Variants in ATRX observed in about 807,000 individuals in gnomAD.
ATRX encodes the protein ATRX chromatin remodeler, also known as chromatin remodeler ATRX.
In ATRX, 12 loss-of-function variants were observed where a neutral mutation model predicts 172.6. That is an observed-to-expected ratio of 0.07 (90% CI 0.04 to 0.11). The LOEUF is 0.11. Ranked by LOEUF, ATRX falls within the 10% of genes least tolerant of loss-of-function variation. The pLI is 1.00. For synonymous variants in ATRX, 674 were observed against 594.7 expected, an observed-to-expected ratio of 1.13 and a Z score of -1.94; for missense variants, 1,368 against 1,767.4, an observed-to-expected ratio of 0.77 and a Z score of 4.05.
chrX:77,642,719 A>C (rs782665272), intron 15 of ATRX, among the ~76,000 whole-genome samples: 2 of 111,712 alleles, frequency 1.8e-5, no homozygotes, highest in African/African-American at 6.5e-5. Flanking sequence ...AGGAAGCTCC[A>C]AACTCCAGTT....
intron 1 of ATRX, among the ~76,000 whole-genome samples, chrX:77,732,144 G>C (rs782621438): frequency 1.8e-5 from 2 of 111,605 alleles, no homozygotes; most frequent in African/African-American, 6.5e-5. Context: ...GCACAGGCCT[G>C]CTCCTGCTGG....
chrX:77,666,861 A>G (rs1274249789), intron 10 of ATRX, among the ~76,000 whole-genome samples: 1 of 111,191 alleles, frequency 9.0e-6, no homozygotes, highest in Non-Finnish European at 1.9e-5. Context: ...TCTCAAAAGA[A>G]AAAAAAAATT....
At chrX:77,648,062 AGGG>A (rs2069004471) in intron 15 of ATRX, among the ~76,000 whole-genome samples, 1 of 111,885 alleles carries the variant, frequency 8.9e-6, no homozygotes, top group Non-Finnish European at 1.9e-5. Context: ...ATGTTGTTAA[AGGG>A]GGAATTAACC....
chrX:77,642,123 A>G (rs112364993), intron 15 of ATRX, among the ~76,000 whole-genome samples: 1,687 of 111,489 alleles, frequency 0.015, 26 homozygotes, highest in African/African-American at 0.052. Context: ...TGAGCCCAGG[A>G]GTTTGAGGTT....
chrX:77,570,117 T>C (rs1367374376), intron 28 of ATRX, among the ~76,000 whole-genome samples: 1 of 110,684 alleles, frequency 9.0e-6, no homozygotes, highest in Non-Finnish European at 1.9e-5. Context: ...AAAACAAGTA[T>C]AGCCAACTGA....
chrX:77,760,019 G>A (rs782153793), intron 1 of ATRX, among the ~76,000 whole-genome samples: 7 of 110,794 alleles, frequency 6.3e-5, no homozygotes, highest in Non-Finnish European at 1.1e-4. Flanking sequence ...AAAAAATTTT[G>A]GGTTTTGGAG....
Position 77,550,822 on chromosome X carries a change from G to C in ATRX, c.6699+6629C>G, listed in dbSNP as rs782564039. The stretch of plus-strand genomic sequence containing the variant: ...CACAAGCATTCCTATACACTAATAA[G>C]AGACAAACAGAGAGCCAAATCATGA... On this transcript the variant is annotated intron_variant, in intron 30 of 34. Transcript: ENST00000373344. Among the ~76,000 whole-genome samples, 9 of 111,262 alleles carry C rather than the reference G, an allele frequency of 8.1e-5. No individual in the cohort carries two copies. In the South Asian group the frequency reaches 2.7e-3, roughly 33 times the overall value.
chrX:77,785,580 C>T (rs2076708982), intron 1 of ATRX, among the ~76,000 whole-genome samples: 1 of 88,543 alleles, frequency 1.1e-5, no homozygotes, highest in African/African-American at 4.2e-5. Context: ...CCTCTTCTCA[C>T]CCTCCCCCCG....
At chrX:77,666,141 C>T (rs1270701080) in intron 10 of ATRX, among the ~76,000 whole-genome samples, 1 of 111,882 alleles carries the variant, frequency 8.9e-6, no homozygotes, top group Non-Finnish European at 1.9e-5. Flanking sequence ...GTGCTTTCTC[C>T]CTCAAACAGA....
chrX:77,523,882 G>A (rs1380700598), intron 30 of ATRX, among the ~76,000 whole-genome samples: 1 of 111,346 alleles, frequency 9.0e-6, no homozygotes, highest in African/African-American at 3.3e-5. Context: ...AACAGTTATA[G>A]GAGAGTTTAA....
chrX:77,760,650 A>G, intron 1 of ATRX, among the ~76,000 whole-genome samples: 1 of 111,664 alleles, frequency 9.0e-6, no homozygotes, highest in Non-Finnish European at 1.9e-5. Flanking sequence ...AAAAAATTCT[A>G]AATAAGGTTT....
At chrX:77,611,927 T>G (rs1296848326) in intron 22 of ATRX, among the ~76,000 whole-genome samples, 1 of 111,721 alleles carries the variant, frequency 9.0e-6, no homozygotes, top group Non-Finnish European at 1.9e-5. Flanking sequence ...AAATGAAACT[T>G]TAAAGTATTT....
chrX:77,636,868 A>G (rs1557108416), intron 15 of ATRX, among the ~76,000 whole-genome samples: 2 of 96,681 alleles, frequency 2.1e-5, no homozygotes, highest in Admixed American at 1.1e-4. Context: ...AGGAGGGAGG[A>G]GGAGGGAGGA....
intron 1 of ATRX, among the ~76,000 whole-genome samples, chrX:77,780,831 C>T (rs1557205203): frequency 1.8e-5 from 2 of 110,040 alleles, no homozygotes; most frequent in Non-Finnish European, 3.8e-5. Flanking sequence ...GTCCCAGCTA[C>T]ATGGGAGGCT....
chrX:77,781,102 T>C (rs2076552093), intron 1 of ATRX, among the ~76,000 whole-genome samples: 1 of 111,237 alleles, frequency 9.0e-6, no homozygotes, highest in South Asian at 3.8e-4. Context: ...CATTCCTCTA[T>C]ACAAGCAGTT....
At chrX:77,673,474 T>C (rs2070725087) in intron 10 of ATRX, among the ~76,000 whole-genome samples, 1 of 111,179 alleles carries the variant, frequency 9.0e-6, no homozygotes, top group Admixed American at 9.6e-5. Flanking sequence ...ATTAGTCTAC[T>C]TTTTTTTATA....
intron 29 of ATRX, among the ~76,000 whole-genome samples, chrX:77,558,412 T>C (rs997582698): frequency 7.2e-5 from 8 of 111,076 alleles, no homozygotes; most frequent in Admixed American, 2.9e-4. Flanking sequence ...CTGAGAGGGG[T>C]TGCATCTGCT....
intron 25 of ATRX, among the ~76,000 whole-genome samples, chrX:77,598,253 AGAG>A (rs1475085500): frequency 9.0e-6 from 1 of 110,632 alleles, no homozygotes; most frequent in East Asian, 2.8e-4. Context: ...ATGGATATAA[AGAG>A]GAGAGCGACA....
rs782297476 is a variant in ATRX, at chrX:77,589,820, T to C, written c.6217+14A>G. ...TATTTTTAAAATTACGACACAGAAATATTTGTAGCTCACCTTTATAAATAA... is the reference window on the plus strand; with the variant it reads ...TATTTTTAAAATTACGACACAGAAACATTTGTAGCTCACCTTTATAAATAA... On this transcript the variant is annotated intron_variant, in intron 27 of 34. Transcript: ENST00000373344. 2.6e-6 allele frequency: 3 copies of C among 1,145,251 alleles called. No homozygotes were observed. The highest frequency in any genetic ancestry group is 3.7e-5 in the South Asian group (2 of 54,788). The allele number at this position is 1,145,251 out of a possible 1,213,427, so 94.4% of individuals were successfully genotyped here.
Sources: gnomAD v4.1 joint callset for allele counts (sites outside exome capture counted in the v4.1 genomes callset) on GRCh38, gnomAD v4.1.1 for gene constraint, MANE v1.5 for transcripts, NCBI Gene and HGNC (gene_info 2026-07-23, HGNC 2026-07-21) for gene names.